TBKBP1: variants seen among roughly 807,000 people sequenced by gnomAD.
TBKBP1 encodes TANK-binding kinase 1-binding protein 1.
Under a neutral mutation model 69.9 loss-of-function variants are expected in TBKBP1, and 47 were observed. The ratio of observed to expected loss-of-function variants is 0.67; its 90% CI spans 0.53 to 0.86. The LOEUF (loss-of-function observed/expected upper bound fraction) is 0.86. TBKBP1 is among the 40% of genes least tolerant of loss of function. TBKBP1 has a pLI of 0.00. For synonymous variants in TBKBP1, 418 were observed against 390.3 expected, an observed-to-expected ratio of 1.07 and a Z score of -0.84; for missense variants, 831 against 858.6, an observed-to-expected ratio of 0.97 and a Z score of 0.40.
intron 7 of TBKBP1, among the ~76,000 whole-genome samples, chr17:47,701,972 C>T (rs924752357): frequency 1.3e-5 from 2 of 152,234 alleles, no homozygotes; most frequent in African/African-American, 4.8e-5. Context: ...CATCTGGAGC[C>T]AGCCAGGCTC....
intron 7 of TBKBP1, among the ~76,000 whole-genome samples, chr17:47,706,276 C>A (rs1298132121): frequency 6.6e-6 from 1 of 152,146 alleles, no homozygotes; most frequent in Admixed American, 6.5e-5. Context: ...ATCCTGCCCT[C>A]CAAAAACCGC....
At position 47,699,335 on chromosome 17, in the gene TBKBP1, C is replaced by G. The variant is rs886251977; in HGVS notation, c.650C>G (p.Ser217Cys). 6.5e-7 allele frequency: 1 copy of G among 1,534,374 alleles called. No individual in the cohort carries two copies. Among genetic ancestry groups the G allele is most frequent in the African/African-American group, 1.4e-5 (1 of 71,940 alleles). ...CCACCGACAGCAGGCTGGCCGGGCT[C>G]CACACCCAGTGTGAGTGACCTGGAG... ...SGLSHAGWPG[S>C]TPSVSDLERR... is the part of the protein sequence containing the mutation. The change falls in exon 6 of 10, where the codon TCC becomes TGC. Residue 217 changes from serine (S) to cysteine (C), a missense_variant. Coordinates refer to ENST00000578982, the MANE Select transcript of TBKBP1 (RefSeq NM_001394755.1).
Position 47,708,056 on chromosome 17 carries a change from T to TA in TBKBP1, c.873-337dup, listed in dbSNP as rs2031757062. On this transcript the variant is annotated intron_variant, in intron 7 of 9. Coordinates refer to ENST00000578982, the MANE Select transcript of TBKBP1 (RefSeq NM_001394755.1). The surrounding 1 kb of genome is among the most constrained non-coding windows in gnomAD (Gnocchi z 4.4). ...CACAGATTAGAAAAACATTCACACA[T>TA]ACCTGTATGAGCTGTGTTCAGACCA... 6.6e-6 allele frequency among the ~76,000 whole-genome samples: 1 copy of TA among 152,222 alleles called. No homozygotes were observed. Among genetic ancestry groups the TA allele is most frequent in the African/African-American group, 2.4e-5 (1 of 41,450 alleles).
chr17:47,708,961 A>G lies in TBKBP1; in HGVS notation c.1228A>G (p.Ser410Gly). The change falls in exon 9 of 10, where the codon AGC becomes GGC. Residue 410 changes from serine to glycine, a missense_variant. Physicochemically the swap from Ser to Gly is moderately conservative, Grantham distance 56. Transcript: ENST00000578982. The surrounding 1 kb of genome is among the most constrained non-coding windows in gnomAD (Gnocchi z 4.4). Reference sequence around the variant, plus strand: ...GGTGCCGCCGTCGTGCCAGTCCCCCAGCCCGCAGCGCCGTTCCCCGGTGCC... The same window carrying G: ...GGTGCCGCCGTCGTGCCAGTCCCCCGGCCCGCAGCGCCGTTCCCCGGTGCC... ...SPVPPSCQSP[S>G]PQRRSPVPPS... is the part of the protein sequence containing the mutation. 8.4e-7 allele frequency: 1 copy of G among 1,188,910 alleles called. No individual in the cohort carries two copies. Among genetic ancestry groups the G allele is most frequent in the Non-Finnish European group, 1.0e-6 (1 of 956,480 alleles). The allele number at this position is 1,188,910 out of a possible 1,614,324, so 73.6% of individuals were successfully genotyped here.
chr17:47,703,455 G>T (rs916508484), intron 7 of TBKBP1, among the ~76,000 whole-genome samples: 2 of 152,160 alleles, frequency 1.3e-5, no homozygotes, highest in Admixed American at 6.5e-5. Flanking sequence ...GTCTCCTTCG[G>T]CCAGGGCACC....
rs1303707593 is a variant in TBKBP1, at chr17:47,697,162, A to T, written c.422A>T (p.Lys141Met). Residue 141 changes from lysine (K) to methionine (M), a missense_variant, in exon 4 of 10, where the codon AAG becomes ATG. Physicochemically the swap from Lys to Met is moderately conservative, Grantham distance 95. Transcript: ENST00000578982. ...GCCTACGAGAAACTCTGCGTGGAGAAGAGTGACTTGGAGACAGAGCTGAGG... is the reference window on the plus strand; with the variant it reads ...GCCTACGAGAAACTCTGCGTGGAGATGAGTGACTTGGAGACAGAGCTGAGG... ...IQAYEKLCVE[K>M]SDLETELREM... is the part of the protein sequence containing the mutation. 5.6e-6 allele frequency: 9 copies of T among 1,613,116 alleles called. No individual in the cohort carries two copies. The highest frequency in any genetic ancestry group is 1.3e-5 in the African/African-American group (1 of 74,942).
At chr17:47,703,677 C>T (rs1462547623) in intron 7 of TBKBP1, among the ~76,000 whole-genome samples, 2 of 152,000 alleles carry the variant, frequency 1.3e-5, no homozygotes, top group Non-Finnish European at 2.9e-5. Flanking sequence ...GCTGCTGTCT[C>T]CAAAAAAAGG....
chr17:47,703,537 G>A (rs947589601), intron 7 of TBKBP1, among the ~76,000 whole-genome samples: 12 of 152,248 alleles, frequency 7.9e-5, no homozygotes, highest in Admixed American at 3.3e-4. Flanking sequence ...AGGTGGGTCT[G>A]AGGGATGTGT....
Position 47,709,447 on chromosome 17 carries a change from A to G in TBKBP1, c.1714A>G (p.Ile572Val), listed in dbSNP as rs1214284355. The change falls in exon 9 of 10, where the codon ATC (isoleucine) becomes GTC (valine). Residue 572 changes from isoleucine (I) to valine (V), a missense_variant. Transcript: ENST00000578982. ...HAEHAQSWPS[I>V]NLLMETVGSD... ...CGAGCACGCGCAGTCCTGGCCGTCC[A>G]TCAACGTGAGTGGGGCGCCCGCGTT... 4 of 1,525,606 alleles carry G rather than the reference A, an allele frequency of 2.6e-6. No homozygotes were observed. The highest frequency in any genetic ancestry group is 5.1e-5 in the East Asian group (2 of 39,578). 94.5% of individuals were successfully genotyped at this position (1,525,606 alleles called of 1,614,324 possible).
rs369998319 is a variant in TBKBP1 at position 47,699,671 on chromosome 17, G to T, written c.846G>T (p.Ala282=). The change falls in exon 7 of 10, where the codon GCG becomes GCT. Residue 282 remains alanine (A), a synonymous_variant. Transcript: ENST00000578982. Reference sequence around the variant, plus strand: ...CCAACCAGTCGGAGCGAGACATGGCGTGGGTGAAAAGAGTTGGGGATGATC... The same window carrying T: ...CCAACCAGTCGGAGCGAGACATGGCTTGGGTGAAAAGAGTTGGGGATGATC... ...LASNQSERDM[A]WVKRVGDDQV... 1.2e-5 allele frequency: 19 copies of T among 1,613,874 alleles called. No homozygotes were observed. The highest frequency in any genetic ancestry group is 1.6e-5 in the Non-Finnish European group (19 of 1,179,904).
intron 7 of TBKBP1, among the ~76,000 whole-genome samples, chr17:47,706,949 A>G (rs2031724530): frequency 6.6e-6 from 1 of 151,852 alleles, no homozygotes. Flanking sequence ...TCTCCCATCC[A>G]CATGTCCATC....
chr17:47,700,192 C>T lies in TBKBP1; in HGVS notation c.872+495C>T, dbSNP rs575766450. Among the ~76,000 whole-genome samples, 918 of 148,784 alleles carry T rather than the reference C, an allele frequency of 6.2e-3. 8 individuals carry two copies. Among genetic ancestry groups the T allele is most frequent in the South Asian group, 0.018 (80 of 4,526 alleles). ...TTTTAGTAGAGATGGGGTTTCACTG[C>T]GTTAGCCAGGATGGTCTCGATCTCC... On this transcript the variant is annotated intron_variant, in intron 7 of 9. Transcript: ENST00000578982.
Position 47,696,130 on chromosome 17 carries a change from G to T in TBKBP1, c.18G>T (p.Glu6Asp). ...CCCTCACCATGGAGTCCATGTTCGA[G>T]GACGACATCAGCATCCTGACGCAGG... MESMF[E>D]DDISILTQEA... Residue 6 changes from glutamate (E) to aspartate (D), a missense_variant, in exon 2 of 10, where the codon GAG (glutamate) becomes GAT (aspartate). By Grantham distance (45) the Glu-to-Asp change is conservative. Transcript: ENST00000578982. 6.2e-7 allele frequency: 1 copy of T among 1,611,956 alleles called. No homozygotes were observed.
chr17:47,708,320 G>C lies in TBKBP1; in HGVS notation c.873-74G>C. On this transcript the variant is annotated intron_variant, in intron 7 of 9. Transcript: ENST00000578982. This position sits in a 1 kb window ranked among gnomAD's most constrained non-coding sequence, Gnocchi z 4.4. The stretch of plus-strand genomic sequence containing the variant: ...TGGTGGGGCCAGATGCTGGGGTAGA[G>C]CCAGTTCTTCCTCCACAGCTGGGAC... The C allele has an allele frequency of 6.6e-7, 1 of 1,506,168 alleles. No individual in the cohort carries two copies. Among genetic ancestry groups the C allele is most frequent in the Non-Finnish European group, 9.2e-7 (1 of 1,092,214 alleles). The allele number at this position is 1,506,168 out of a possible 1,614,324, so 93.3% of individuals were successfully genotyped here. A position where few individuals can be genotyped will look rare whatever the true frequency, so the allele number is the denominator to read the frequency against.
intron 7 of TBKBP1, among the ~76,000 whole-genome samples, chr17:47,704,733 A>G (rs1250133462): frequency 6.6e-6 from 1 of 152,000 alleles, no homozygotes; most frequent in African/African-American, 2.4e-5. Flanking sequence ...TGCTACATCA[A>G]CCCCACTCCT....
chr17:47,703,821 T>C (rs1286536325), intron 7 of TBKBP1, among the ~76,000 whole-genome samples: 1 of 151,908 alleles, frequency 6.6e-6, no homozygotes, highest in Non-Finnish European at 1.5e-5. Context: ...ACAAACGTGA[T>C]GTAGGTATTG....
intron 5 of TBKBP1, among the ~76,000 whole-genome samples, 174 bp from the exon 6 acceptor site, chr17:47,699,146 A>AGAAATGC (rs2031382046): frequency 6.6e-6 from 1 of 152,202 alleles, no homozygotes; most frequent in South Asian, 2.1e-4. Flanking sequence ...CAGGAAAATT[A>AGAAATGC]GAAATGCGGC....
intron 7 of TBKBP1, among the ~76,000 whole-genome samples, chr17:47,706,708 A>C (rs541141735): frequency 5.8e-4 from 88 of 152,274 alleles, no homozygotes; most frequent in African/African-American, 2.1e-3. Context: ...GATTAGTAAG[A>C]GACAGCCAGT....
In TBKBP1 at chr17:47,708,849, TCCCGTGCC is replaced by T; in HGVS notation, c.1127_1134del (p.Pro376LeufsTer86). 2 of 1,300,126 alleles carry T rather than the reference TCCCGTGCC, an allele frequency of 1.5e-6. No individual in the cohort carries two copies. Among genetic ancestry groups the T allele is most frequent in the Admixed American group, 3.0e-5 (1 of 33,036 alleles). 80.5% of individuals were successfully genotyped at this position (1,300,126 alleles called of 1,614,324 possible). ...AGTCCCCCGTCCCCCAGCGCCGCTC[TCCCGTGCC>T]CCCGTGCCCCTCGCCGCAGCAGCGC... On this transcript the variant is annotated frameshift_variant, in exon 9 of 10. Transcript: ENST00000578982. LOFTEE classifies it high-confidence loss of function. The surrounding 1 kb of genome is among the most constrained non-coding windows in gnomAD (Gnocchi z 4.4).
Sources: gnomAD v4.1 joint callset for allele counts (sites outside exome capture counted in the v4.1 genomes callset) on GRCh38, gnomAD v4.1.1 for gene constraint, Gnocchi (gnomAD v3.1) non-coding constraint, MANE v1.5 for transcripts, NCBI Gene and HGNC (gene_info 2026-07-23, HGNC 2026-07-21) for gene names.